EMC1: variants seen among roughly 807,000 people sequenced by gnomAD.
The protein encoded by EMC1 is KIAA0090.
A neutral mutation model predicts 128.8 loss-of-function variants in EMC1; 103 were observed. The ratio of observed to expected loss-of-function variants is 0.80; its 90% CI spans 0.68 to 0.94. EMC1 has a LOEUF of 0.94. Ranked by LOEUF, EMC1 falls within the 40% of genes least tolerant of loss-of-function variation. The pLI, the probability that EMC1 is intolerant of heterozygous loss-of-function variation, is 0.00. For synonymous variants in EMC1, 442 were observed against 490.4 expected (o/e 0.90, Z 1.30); for missense variants, 1,083 against 1,250.6 (o/e 0.87, Z 2.02).
At position 19,251,404 on chromosome 1, in the gene EMC1, C is replaced by T. The variant is rs758051221; in HGVS notation, c.95+11G>A. ...CCACTTATCTCTCGAATATGTTCCA[C>T]ACGTACGCACCAATCAAACTTGCCC... is the stretch of plus-strand genomic sequence containing the variant. On this transcript the variant is annotated intron_variant, in intron 1 of 22. Coordinates refer to ENST00000477853, the MANE Select transcript of EMC1 (RefSeq NM_015047.3). 27 of 1,612,570 alleles carry T rather than the reference C, an allele frequency of 1.7e-5. No individual in the cohort carries two copies. The Admixed American group carries it at 4.3e-4, about 26-fold the overall frequency.
At chr1:19,246,108 A>G (rs2093631092) in intron 1 of EMC1, among the ~76,000 whole-genome samples, 1 of 152,068 alleles carries the variant, frequency 6.6e-6, no homozygotes, top group Admixed American at 6.6e-5. Flanking sequence ...AAAAATAAAC[A>G]GGCCAGGCGC....
intron 17 of EMC1, among the ~76,000 whole-genome samples, chr1:19,227,948 G>A (rs988920920): frequency 1.3e-5 from 2 of 152,188 alleles, no homozygotes; most frequent in African/African-American, 2.4e-5. Flanking sequence ...GCTCACACCT[G>A]TAATCCCAGC....
At chr1:19,232,049 G>A (rs1324788964) in intron 15 of EMC1, among the ~76,000 whole-genome samples, 2 of 152,076 alleles carry the variant, frequency 1.3e-5, no homozygotes, top group Non-Finnish European at 2.9e-5. Flanking sequence ...ATCATCTAAG[G>A]TCAGGAGTTT....
chr1:19,223,238 C>G (rs1434012226), intron 19 of EMC1, among the ~76,000 whole-genome samples, 158 bp downstream of exon 19: 1 of 152,198 alleles, frequency 6.6e-6, no homozygotes, highest in African/African-American at 2.4e-5. Flanking sequence ...CCTAGGCAAT[C>G]TGATTCCTGA....
chr1:19,239,433 T>A, intron 8 of EMC1, 131 bp from the exon 9 acceptor site: 1 of 749,980 alleles, frequency 1.3e-6, no homozygotes, highest in East Asian at 2.6e-5. Flanking sequence ...AGCAGAATGG[T>A]CAGGCATTTA....
Position 19,235,140 on chromosome 1 carries a change from G to A in EMC1, c.1422C>T (p.Gly474=), listed in dbSNP as rs1277922509. 3.2e-5 allele frequency: 51 copies of A among 1,611,410 alleles called. No individual in the cohort carries two copies. The highest frequency in any genetic ancestry group is 4.2e-5 in the Non-Finnish European group (49 of 1,179,146). ...GAQAELEGEF[G]KKADGLLGMF... ...CTCTTAGGTTCATACCTGCCTTTTT[G>A]CCAAATTCTCCTTCCAGCTCGGCCT... is the stretch of plus-strand genomic sequence containing the variant. The change falls in exon 13 of 23, where the codon GGC becomes GGT. Residue 474 remains glycine (G), a synonymous_variant. Coordinates refer to ENST00000477853, the MANE Select transcript of EMC1 (RefSeq NM_015047.3).
chr1:19,237,301 A>G, intron 11 of EMC1, 63 bp from the exon 12 acceptor site: 1 of 1,156,066 alleles, frequency 8.7e-7, no homozygotes, highest in Non-Finnish European at 1.3e-6. Context: ...AGAGCACCAG[A>G]CCCCAGGAGT....
chr1:19,231,386 T>C lies in EMC1; in HGVS notation c.1819A>G (p.Ile607Val). 1 of 1,612,234 alleles carries C rather than the reference T, an allele frequency of 6.2e-7. No individual in the cohort carries two copies. The highest frequency in any genetic ancestry group is 8.5e-7 in the Non-Finnish European group (1 of 1,179,600). ...GCTACCTGACTCCACTTCCCAAAAATGGGATTGAAGACATACAGAGAACTC... is the reference window on the plus strand; with the variant it reads ...GCTACCTGACTCCACTTCCCAAAAACGGGATTGAAGACATACAGAGAACTC... The part of the protein sequence containing the change: ...GMSSLYVFNP[I>V]FGKWSQVAPP... Residue 607 changes from isoleucine to valine, a missense_variant, in exon 16 of 23, where the codon ATT becomes GTT. Ile to Val is a conservative substitution (Grantham distance 29, BLOSUM62 3). Coordinates refer to ENST00000477853, the MANE Select transcript of EMC1 (RefSeq NM_015047.3).
intron 4 of EMC1, among the ~76,000 whole-genome samples, chr1:19,243,396 A>C (rs1304280116): frequency 1.3e-5 from 2 of 152,222 alleles, no homozygotes; most frequent in Non-Finnish European, 1.5e-5. Context: ...ACAGCATTCA[A>C]GCACAAGCGC....
At chr1:19,225,280 G>A (rs927875285) in intron 18 of EMC1, among the ~76,000 whole-genome samples, 2 of 152,212 alleles carry the variant, frequency 1.3e-5, no homozygotes, top group Non-Finnish European at 2.9e-5. Context: ...ACTTTGGGAG[G>A]CCAAGATGGG....
At chr1:19,220,646 G>T in intron 21 of EMC1, 118 bp downstream of exon 21, 1 of 718,066 alleles carries the variant, frequency 1.4e-6, no homozygotes. Flanking sequence ...CTTGCCCCCT[G>T]CTACATCCCC....
At chr1:19,248,613 T>C (rs2093642602) in intron 1 of EMC1, among the ~76,000 whole-genome samples, 1 of 151,066 alleles carries the variant, frequency 6.6e-6, no homozygotes, top group Non-Finnish European at 1.5e-5. Context: ...AGAGACGGGG[T>C]TTCACCATGT....
At chr1:19,244,420 C>CT (rs900798660) in intron 2 of EMC1, among the ~76,000 whole-genome samples, 12 of 151,504 alleles carry the variant, frequency 7.9e-5, no homozygotes, top group South Asian at 4.2e-4. Flanking sequence ...GCAGCAGCAT[C>CT]TTTTTTTTTG....
intron 18 of EMC1, 71 bp downstream of exon 18, chr1:19,227,242 G>C: frequency 2.5e-6 from 4 of 1,569,320 alleles, no homozygotes; most frequent in South Asian, 1.1e-5. Context: ...AAGTCCTACA[G>C]CCAGACTTGA....
At chr1:19,228,355 A>T (rs539319750) in intron 17 of EMC1, among the ~76,000 whole-genome samples, 1 of 152,324 alleles carries the variant, frequency 6.6e-6, no homozygotes, top group African/African-American at 2.4e-5. Context: ...GCCAGCAGTG[A>T]ATGTCTAAGC....
At chr1:19,228,372 G>A (rs1310058827) in intron 17 of EMC1, among the ~76,000 whole-genome samples, 2 of 152,092 alleles carry the variant, frequency 1.3e-5, no homozygotes, top group Non-Finnish European at 2.9e-5. Flanking sequence ...AAGCTAACAG[G>A]GAGCTCAAAA....
intron 20 of EMC1, chr1:19,221,417 C>G (rs1045552442): frequency 1.3e-5 from 2 of 152,384 alleles, no homozygotes; most frequent in Non-Finnish European, 2.9e-5. Flanking sequence ...AGGTGTGGAT[C>G]ACAAGGTCAG....
chr1:19,239,625 C>T (rs1399055225), intron 8 of EMC1, 193 bp downstream of exon 8: 4 of 608,810 alleles, frequency 6.6e-6, no homozygotes, highest in Non-Finnish European at 1.1e-5. Flanking sequence ...TCTAAAGATC[C>T]TTTGTAATAC....
chr1:19,234,233 TC>T (rs2093546285), intron 13 of EMC1: 1 of 978,568 alleles, frequency 1.0e-6, no homozygotes, highest in African/African-American at 1.8e-5. Flanking sequence ...AAATTAATCC[TC>T]AGCTTAAGAA....
Sources: allele counts gnomAD v4.1 joint callset (sites outside exome capture counted in the v4.1 genomes callset), GRCh38; gene constraint gnomAD v4.1.1; transcripts MANE v1.5; gene names NCBI Gene and HGNC (gene_info 2026-07-23, HGNC 2026-07-21).